MYLK4: variants seen among roughly 807,000 people sequenced by gnomAD.
MYLK4 encodes the protein myosin light chain kinase family member 4, also known as caMLCK like.
MYLK4 carries 46 observed loss-of-function variants against 48.1 expected under a neutral mutation model. That is an observed-to-expected ratio of 0.96 (90% CI 0.75 to 1.22). The LOEUF is 1.22. MYLK4 is among the 50% of genes most tolerant of loss of function. MYLK4 has a pLI of 0.00. For missense variants in MYLK4, 451 were observed against 486.1 expected (o/e 0.93, Z 0.68); for synonymous variants, 170 against 180.8 (o/e 0.94, Z 0.48).
the MYLK4 span, among the ~76,000 whole-genome samples, chr6:2,764,186 T>G: frequency 6.6e-6 from 1 of 152,226 alleles, no homozygotes; most frequent in African/African-American, 2.4e-5. Context: ...ACATGATGAT[T>G]AAAGTTTAAC....
chr6:2,710,587 T>C (rs933684439), intron 2 of MYLK4, among the ~76,000 whole-genome samples: 1 of 152,212 alleles, frequency 6.6e-6, no homozygotes, highest in East Asian at 1.9e-4. Flanking sequence ...CTGTTTTACA[T>C]TTCTTCACTG....
At chr6:2,738,994 A>G (rs1312119903) in intron 2 of MYLK4, among the ~76,000 whole-genome samples, 1 of 152,236 alleles carries the variant, frequency 6.6e-6, no homozygotes, top group East Asian at 1.9e-4. Flanking sequence ...GTTGATAAAT[A>G]TTTTGAATTC....
At chr6:2,716,823 A>C (rs2113271339) in intron 2 of MYLK4, among the ~76,000 whole-genome samples, 1 of 152,350 alleles carries the variant, frequency 6.6e-6, no homozygotes, top group East Asian at 1.9e-4. Flanking sequence ...GTTTTTATGA[A>C]TATAAAATGA....
At chr6:2,669,539 GGTGGTTTGTGGCAAACCCTC>G (rs1561825901) in intron 12 of MYLK4, among the ~76,000 whole-genome samples, 1 of 152,210 alleles carries the variant, frequency 6.6e-6, no homozygotes, top group African/African-American at 2.4e-5. Flanking sequence ...ATGGTGGGAA[GGTGGTTTGTGGCAAACCCTC>G]GGGGTTTGTG....
At chr6:2,678,617 T>C (rs1021090054) in intron 9 of MYLK4, among the ~76,000 whole-genome samples, 1 of 152,188 alleles carries the variant, frequency 6.6e-6, no homozygotes, top group Admixed American at 6.5e-5. Context: ...TAAAGCACTT[T>C]TCAGCTTGCA....
At chr6:2,703,695 G>T (rs765532898) in intron 2 of MYLK4, among the ~76,000 whole-genome samples, 1 of 71,502 alleles carries the variant, frequency 1.4e-5, no homozygotes, top group Non-Finnish European at 2.4e-5. Context: ...TTTTTGAGAC[G>T]GAGTCTTGCT....
At chr6:2,705,768 G>A (rs1762465711) in intron 2 of MYLK4, among the ~76,000 whole-genome samples, 1 of 152,144 alleles carries the variant, frequency 6.6e-6, no homozygotes, top group Non-Finnish European at 1.5e-5. Flanking sequence ...AATGGAAGGA[G>A]TTTGCCTCCC....
At chr6:2,760,460 T>C in the MYLK4 span, among the ~76,000 whole-genome samples, 4 of 152,338 alleles carry the variant, frequency 2.6e-5, no homozygotes, top group South Asian at 8.3e-4. Flanking sequence ...GCATGATTGA[T>C]TAAATTGTTG....
rs911801085 is a variant in MYLK4, at chr6:2,673,014, C to A, written c.1120-1666G>T. Among the ~76,000 whole-genome samples, 28 of 152,150 alleles carry A rather than the reference C, an allele frequency of 1.8e-4. No individual in the cohort carries two copies. Among genetic ancestry groups the A allele is most frequent in the East Asian group, 3.9e-4 (2 of 5,184 alleles). ...GAAATTTATTTTTCATTAAAAAAAA[C>A]CCATCATCACTCTTGAACTATCTAT... On this transcript the variant is annotated intron_variant, in intron 11 of 12. Coordinates refer to ENST00000274643, the MANE Select transcript of MYLK4 (RefSeq NM_001012418.5). This position sits in a 1 kb window ranked among gnomAD's most constrained non-coding sequence, Gnocchi z 4.2.
chr6:2,691,506 G>A (rs1024168342), intron 3 of MYLK4, among the ~76,000 whole-genome samples: 3 of 152,162 alleles, frequency 2.0e-5, no homozygotes, highest in Non-Finnish European at 4.4e-5. Flanking sequence ...GAGAAAGAAA[G>A]TCATTCAATA....
the MYLK4 span, chr6:2,765,644 G>A: frequency 1.4e-5 from 21 of 1,543,718 alleles, no homozygotes; most frequent in Admixed American, 1.8e-5. Context: ...CGGGCCGGAA[G>A]ACGACCCCTT....
At chr6:2,767,454 T>A in the MYLK4 span, among the ~76,000 whole-genome samples, 1 of 152,260 alleles carries the variant, frequency 6.6e-6, no homozygotes, top group Admixed American at 6.5e-5. Context: ...TCCCACAACT[T>A]AAGCACACCC....
chr6:2,766,028 A>G, the MYLK4 span: 1 of 1,318,422 alleles, frequency 7.6e-7, no homozygotes, highest in South Asian at 2.0e-5. Context: ...CAGCCCCGGG[A>G]GGAAGGGGTC....
chr6:2,743,864 G>A (rs1763978406), intron 2 of MYLK4: 2 of 398,504 alleles, frequency 5.0e-6, no homozygotes, highest in South Asian at 2.6e-4. Context: ...CGAACAAAAT[G>A]AATCTGTCTT....
the MYLK4 span, among the ~76,000 whole-genome samples, chr6:2,760,290 C>T: frequency 6.6e-6 from 1 of 152,120 alleles, no homozygotes; most frequent in Non-Finnish European, 1.5e-5. Flanking sequence ...ATAAAGGAGA[C>T]ACATGGGTGA....
the MYLK4 span, among the ~76,000 whole-genome samples, chr6:2,769,523 T>G: frequency 6.6e-6 from 1 of 152,206 alleles, no homozygotes; most frequent in Non-Finnish European, 1.5e-5. Flanking sequence ...TGTAACTTTT[T>G]AATCATACAT....
intron 2 of MYLK4, among the ~76,000 whole-genome samples, chr6:2,703,815 C>T (rs567375035): frequency 2.3e-4 from 35 of 152,074 alleles, no homozygotes; most frequent in Admixed American, 4.6e-4. Flanking sequence ...GGACTATAGG[C>T]GTGTGCCACC....
intron 2 of MYLK4, among the ~76,000 whole-genome samples, chr6:2,721,335 T>C (rs1763061241): frequency 6.6e-6 from 1 of 152,170 alleles, no homozygotes; most frequent in African/African-American, 2.4e-5. Context: ...TGAAAATGCA[T>C]TCTGGGTACG....
chr6:2,680,748 C>A (rs1266665561), intron 7 of MYLK4, among the ~76,000 whole-genome samples: 1 of 152,216 alleles, frequency 6.6e-6, no homozygotes, highest in Admixed American at 6.5e-5. Flanking sequence ...CATGCACTGT[C>A]ACGTGAACGT....
Sources: allele counts gnomAD v4.1 joint callset (sites outside exome capture counted in the v4.1 genomes callset), GRCh38; gene constraint gnomAD v4.1.1; non-coding constraint Gnocchi (gnomAD v3.1); transcripts MANE v1.5; gene names NCBI Gene and HGNC (gene_info 2026-07-23, HGNC 2026-07-21).